Variants in CACNA2D3 observed in about 807,000 individuals in gnomAD.
CACNA2D3 encodes the protein calcium voltage-gated channel auxiliary subunit alpha2delta 3.
A neutral mutation model predicts 160.6 loss-of-function variants in CACNA2D3; 60 were observed. That is an observed-to-expected ratio of 0.37 (90% confidence interval 0.30 to 0.46). The LOEUF is 0.46. Ranked by LOEUF, CACNA2D3 falls within the 20% of genes least tolerant of loss-of-function variation. CACNA2D3 has a pLI of 1.00. For missense variants in CACNA2D3, 1,205 were observed against 1,365.0 expected (o/e 0.88, Z 1.85); for synonymous variants, 558 against 492.9 (o/e 1.13, Z -1.75).
chr3:54,175,091 A>G (rs761698088), intron 2 of CACNA2D3, among the ~76,000 whole-genome samples: 11 of 152,276 alleles, frequency 7.2e-5, no homozygotes, highest in Admixed American at 2.0e-4. Flanking sequence ...CTTCTTTGAG[A>G]GTTCAGACAA....
intron 34 of CACNA2D3, among the ~76,000 whole-genome samples, chr3:55,014,804 A>G (rs745405448): frequency 2.2e-4 from 34 of 152,174 alleles, no homozygotes; most frequent in Admixed American, 1.7e-3. Flanking sequence ...TTGAAATTCC[A>G]TAGATAAATA....
intron 27 of CACNA2D3, chr3:54,901,387 C>T (rs1448301638): frequency 6.6e-6 from 1 of 152,258 alleles, no homozygotes; most frequent in Non-Finnish European, 1.5e-5. Context: ...AAACTATGCT[C>T]ACATGTTTCC....
chr3:54,962,290 G>A (rs1010832456), intron 27 of CACNA2D3, among the ~76,000 whole-genome samples: 3 of 152,120 alleles, frequency 2.0e-5, no homozygotes, highest in African/African-American at 7.2e-5. Flanking sequence ...GAGCCTGCTT[G>A]GCTGATAGCA....
chr3:54,703,492 T>C (rs1353139237), intron 11 of CACNA2D3, among the ~76,000 whole-genome samples: 1 of 152,166 alleles, frequency 6.6e-6, no homozygotes, highest in African/African-American at 2.4e-5. Flanking sequence ...CCTTTTGTTA[T>C]TCACATGTTT....
chr3:54,645,183 C>T (rs1326003329), intron 11 of CACNA2D3, among the ~76,000 whole-genome samples: 1 of 152,152 alleles, frequency 6.6e-6, no homozygotes, highest in Non-Finnish European at 1.5e-5. Context: ...TACATGGCGG[C>T]AGGTAAGAGA....
intron 2 of CACNA2D3, among the ~76,000 whole-genome samples, chr3:54,192,721 A>T (rs1307959432): frequency 6.6e-6 from 1 of 151,964 alleles, no homozygotes; most frequent in Non-Finnish European, 1.5e-5. Flanking sequence ...ATGCTGCTGT[A>T]GATTATTCTC....
At chr3:54,317,043 C>T (rs1703879103) in intron 2 of CACNA2D3, among the ~76,000 whole-genome samples, 1 of 152,184 alleles carries the variant, frequency 6.6e-6, no homozygotes, top group African/African-American at 2.4e-5. Flanking sequence ...TTTACTCAGT[C>T]TTGAACTTTG....
chr3:54,650,757 T>G (rs915973616), intron 11 of CACNA2D3, among the ~76,000 whole-genome samples: 11 of 152,192 alleles, frequency 7.2e-5, no homozygotes, highest in African/African-American at 2.7e-4. Context: ...TGCCTCAGTC[T>G]CCCAAAGTGC....
intron 9 of CACNA2D3, among the ~76,000 whole-genome samples, chr3:54,625,525 A>T (rs62255534): frequency 0.18 from 26,681 of 151,840 alleles, 3,089 homozygotes; most frequent in Non-Finnish European, 0.25. Context: ...GCAGGCTTCA[A>T]TAATGGTGGC....
chr3:54,782,271 A>G (rs1388978450), intron 13 of CACNA2D3, among the ~76,000 whole-genome samples: 2 of 152,232 alleles, frequency 1.3e-5, no homozygotes. Context: ...ATTCTACAGT[A>G]AATTCCATAG....
chr3:54,812,123 C>T (rs962608739), intron 13 of CACNA2D3, among the ~76,000 whole-genome samples: 1 of 152,158 alleles, frequency 6.6e-6, no homozygotes. Context: ...TCACATTCAC[C>T]TTCCTGGCAG....
intron 11 of CACNA2D3, among the ~76,000 whole-genome samples, chr3:54,739,829 CTA>C (rs1446210930): frequency 6.7e-6 from 1 of 150,246 alleles, no homozygotes; most frequent in Non-Finnish European, 1.5e-5. Flanking sequence ...ATATATATAA[CTA>C]TTTACATTTA....
At chr3:54,446,316 A>T (rs910538997) in intron 4 of CACNA2D3, among the ~76,000 whole-genome samples, 11 of 152,086 alleles carry the variant, frequency 7.2e-5, no homozygotes. Context: ...ATGGGGGAAA[A>T]TCCATAGAGC....
At chr3:54,423,146 A>T (rs1022225482) in intron 4 of CACNA2D3, among the ~76,000 whole-genome samples, 2 of 152,196 alleles carry the variant, frequency 1.3e-5, no homozygotes, top group Non-Finnish European at 2.9e-5. Flanking sequence ...TACGTCTATC[A>T]TGAGAGAGGA....
Position 54,870,659 on chromosome 3 carries a change from A to G in CACNA2D3, c.1627-880A>G, listed in dbSNP as rs9841348. ...GACTAACACCAGTGATTTAGGGGAG[A>G]AAACTAAAACCACTTCCCCAGTTAT... On this transcript the variant is annotated intron_variant, in intron 17 of 37. Transcript: ENST00000474759. Among the ~76,000 whole-genome samples, 746 of 152,266 alleles carry G rather than the reference A, an allele frequency of 4.9e-3. 3 individuals are homozygous for G. The highest frequency in any genetic ancestry group is 0.017 in the African/African-American group (725 of 41,540).
At chr3:55,022,557 T>G (rs1703480503) in intron 35 of CACNA2D3, among the ~76,000 whole-genome samples, 1 of 115,916 alleles carries the variant, frequency 8.6e-6, no homozygotes, top group African/African-American at 4.7e-5. Context: ...TTTCCTTCCT[T>G]CTTTCTTTCT....
rs145348082 is a variant in CACNA2D3, at chr3:54,573,928, A to T, written c.888+3824A>T. 1.4e-4 allele frequency among the ~76,000 whole-genome samples: 21 copies of T among 152,224 alleles called. No individual in the cohort carries two copies. The East Asian group carries it at 3.9e-3, about 28-fold the overall frequency. On this transcript the variant is annotated intron_variant, in intron 8 of 37. Coordinates refer to ENST00000474759, the MANE Select transcript of CACNA2D3 (RefSeq NM_018398.3). ...CATAATTGCTCTAGTAATATGGTGT[A>T]GGTTTTCCCTCAGTCTGTTTAAAAT...
At chr3:54,480,978 C>T (rs1700923668) in intron 4 of CACNA2D3, among the ~76,000 whole-genome samples, 1 of 152,120 alleles carries the variant, frequency 6.6e-6, no homozygotes, top group Non-Finnish European at 1.5e-5. Flanking sequence ...CTATAATGAC[C>T]ACAGGAGTCC....
At chr3:54,405,081 T>C (rs952070770) in intron 4 of CACNA2D3, among the ~76,000 whole-genome samples, 1 of 149,458 alleles carries the variant, frequency 6.7e-6, no homozygotes, top group Non-Finnish European at 1.5e-5. Flanking sequence ...ATGTCTATAC[T>C]ATACTATACT....
Sources: allele counts gnomAD v4.1 joint callset (sites outside exome capture counted in the v4.1 genomes callset), GRCh38; gene constraint gnomAD v4.1.1; transcripts MANE v1.5; gene names NCBI Gene and HGNC (gene_info 2026-07-23, HGNC 2026-07-21).